Variants in AHCYL2 observed in about 807,000 individuals in gnomAD.
AHCYL2 encodes the protein adenosylhomocysteinase like 2.
In AHCYL2, 28 loss-of-function variants were observed where a neutral mutation model predicts 81.4. The ratio of observed to expected loss-of-function variants is 0.34; its 90% CI spans 0.25 to 0.47. The LOEUF is 0.47. Ranked by LOEUF, AHCYL2 falls within the 20% of genes least tolerant of loss-of-function variation. The probability of loss-of-function intolerance (pLI) is 1.00; values close to 1 mark genes in which losing one functional copy is unlikely to be tolerated. For synonymous variants in AHCYL2, 272 were observed against 290.2 expected (o/e 0.94, Z 0.64); for missense variants, 551 against 785.1 (o/e 0.70, Z 3.56).
chr7:129,379,615 A>G (rs1195940789), intron 1 of AHCYL2, 23 bp from the exon 2 acceptor site: 3 of 1,590,572 alleles, frequency 1.9e-6, no homozygotes, highest in East Asian at 4.5e-5. Flanking sequence ...TTTTCTTTAT[A>G]TAACTAGGTT....
intron 1 of AHCYL2, among the ~76,000 whole-genome samples, chr7:129,305,567 A>G (rs1194497109): frequency 1.3e-5 from 2 of 152,182 alleles, no homozygotes; most frequent in African/African-American, 4.8e-5. Flanking sequence ...TGTGTCTTGA[A>G]AAGTTGTAGT....
At chr7:129,379,811 C>T (rs1220627263) in intron 2 of AHCYL2, 62 bp downstream of exon 2, 12 of 1,303,138 alleles carry the variant, frequency 9.2e-6, no homozygotes, top group Non-Finnish European at 1.3e-5. Context: ...TCAATGGGCC[C>T]TCCTGTCTAT....
intron 1 of AHCYL2, among the ~76,000 whole-genome samples, chr7:129,292,638 A>G (rs1333027508): frequency 2.0e-5 from 3 of 152,130 alleles, no homozygotes; most frequent in Admixed American, 2.0e-4. Flanking sequence ...ATGGTGGCAC[A>G]CACCAGTAAT....
chr7:129,397,398 C>A, intron 5 of AHCYL2, 74 bp downstream of exon 5: 1 of 1,365,490 alleles, frequency 7.3e-7, no homozygotes, highest in Non-Finnish European at 1.0e-6. Flanking sequence ...CAGCATAAAT[C>A]TTTAAAGAAG....
At chr7:129,361,768 G>A (rs1793938018) in intron 1 of AHCYL2, among the ~76,000 whole-genome samples, 2 of 151,316 alleles carry the variant, frequency 1.3e-5, no homozygotes, top group Non-Finnish European at 2.9e-5. Context: ...CAGGACTGTA[G>A]GCGCACACCA....
At chr7:129,313,290 G>T (rs1268650309) in intron 1 of AHCYL2, among the ~76,000 whole-genome samples, 4 of 152,194 alleles carry the variant, frequency 2.6e-5, no homozygotes, top group African/African-American at 9.6e-5. Flanking sequence ...ATTGTCTTTT[G>T]GGAGTACAGA....
intron 1 of AHCYL2, among the ~76,000 whole-genome samples, chr7:129,329,206 G>A (rs1333629083): frequency 6.6e-6 from 1 of 152,124 alleles, no homozygotes; most frequent in Non-Finnish European, 1.5e-5. Context: ...TTGAGATAGG[G>A]TCTCATTCTG....
chr7:129,292,412 T>C (rs928876506), intron 1 of AHCYL2, among the ~76,000 whole-genome samples: 1 of 152,222 alleles, frequency 6.6e-6, no homozygotes, highest in African/African-American at 2.4e-5. Context: ...GCTTGCTGAC[T>C]AGGGCTATAT....
At chr7:129,345,261 A>G (rs1196603848) in intron 1 of AHCYL2, among the ~76,000 whole-genome samples, 3 of 152,174 alleles carry the variant, frequency 2.0e-5, no homozygotes, top group Non-Finnish European at 2.9e-5. Context: ...GTTTTCTTAC[A>G]TTTATTTTCT....
At chr7:129,317,951 G>A (rs1280089359) in intron 1 of AHCYL2, among the ~76,000 whole-genome samples, 1 of 152,058 alleles carries the variant, frequency 6.6e-6, no homozygotes, top group African/African-American at 2.4e-5. Flanking sequence ...TTTTCAAGGA[G>A]GATTCACACT....
In AHCYL2 at chr7:129,287,783, C is replaced by T. The variant is rs149779348; in HGVS notation, c.363+62344C>T. On this transcript the variant is annotated intron_variant, in intron 1 of 16. Coordinates refer to ENST00000325006, the MANE Select transcript of AHCYL2 (RefSeq NM_015328.4). Reference sequence around the variant, plus strand: ...TTCTTTATGTAGAGCTCCTTCTCCCCACGTCATTTTGATGTTTACTGTTTC... The same window carrying T: ...TTCTTTATGTAGAGCTCCTTCTCCCTACGTCATTTTGATGTTTACTGTTTC... Among the ~76,000 whole-genome samples, 282 of 152,268 alleles carry T rather than the reference C, an allele frequency of 1.9e-3. 1 individual carries two copies. The highest frequency in any genetic ancestry group is 6.4e-3 in the African/African-American group (267 of 41,540).
Position 129,427,147 on chromosome 7 carries a change from C to A in AHCYL2, c.*102C>A. 2 of 1,245,496 alleles carry A rather than the reference C, an allele frequency of 1.6e-6. No homozygotes were observed. Among genetic ancestry groups the A allele is most frequent in the Non-Finnish European group, 2.3e-6 (2 of 858,612 alleles). 77.2% of individuals were successfully genotyped at this position (1,245,496 alleles called of 1,614,324 possible). A position where few individuals can be genotyped will look rare whatever the true frequency, so the allele number is the denominator to read the frequency against. ...CAGCAAGCTGCTTCTCCAATCAAAGCTGCCTGCCGTGCTCACCCTGTGTGT... is the reference window on the plus strand; with the variant it reads ...CAGCAAGCTGCTTCTCCAATCAAAGATGCCTGCCGTGCTCACCCTGTGTGT... On this transcript the variant is annotated 3_prime_UTR_variant, in exon 17 of 17. Transcript: ENST00000325006. The surrounding 1 kb of genome is among the most constrained non-coding windows in gnomAD (Gnocchi z 5.5).
chr7:129,412,382 G>A (rs886574951), intron 11 of AHCYL2, among the ~76,000 whole-genome samples: 2 of 151,124 alleles, frequency 1.3e-5, no homozygotes, highest in African/African-American at 4.9e-5. Context: ...CCGTGTGCAA[G>A]GGATTCTCCT....
intron 1 of AHCYL2, among the ~76,000 whole-genome samples, chr7:129,263,249 A>G (rs73722907): frequency 2.6e-5 from 4 of 152,232 alleles, no homozygotes; most frequent in Admixed American, 1.3e-4. Context: ...CTAGATGCTC[A>G]TATCTGAGAC....
chr7:129,355,496 T>C (rs1005850964), intron 1 of AHCYL2, among the ~76,000 whole-genome samples: 1 of 152,214 alleles, frequency 6.6e-6, no homozygotes, highest in Non-Finnish European at 1.5e-5. Context: ...CCTAACCGTG[T>C]ATTTTTCCTA....
At chr7:129,226,477 A>C (rs1794223674) in intron 1 of AHCYL2, among the ~76,000 whole-genome samples, 1 of 152,246 alleles carries the variant, frequency 6.6e-6, no homozygotes, top group Non-Finnish European at 1.5e-5. Context: ...GTATGGGCAC[A>C]GGGATTAATG....
chr7:129,283,282 G>C (rs562655038), intron 1 of AHCYL2: 5 of 446,026 alleles, frequency 1.1e-5, no homozygotes, highest in South Asian at 7.9e-5. Flanking sequence ...TCTCAAGGCA[G>C]TAAGCAGAAG....
rs1340846269 is a variant in AHCYL2 at position 129,400,272 on chromosome 7, T to G, written c.824-18T>G. 3 of 1,612,324 alleles carry G rather than the reference T, an allele frequency of 1.9e-6. No homozygotes were observed. In the East Asian group the frequency reaches 6.7e-5, roughly 36 times the overall value. ...TTTTTGGTCTTTAATGGTTTCCCTT[T>G]GTTCCTTTTTTTCCCAGGATTTCCT... On this transcript the variant is annotated intron_variant, in intron 5 of 16. Transcript: ENST00000325006.
intron 1 of AHCYL2, among the ~76,000 whole-genome samples, chr7:129,325,947 C>T (rs1452563215): frequency 2.6e-5 from 4 of 152,056 alleles, no homozygotes; most frequent in East Asian, 1.9e-4. Context: ...TAATGTGATC[C>T]GCCCATCTTG....
Sources: gnomAD v4.1 joint callset for allele counts (sites outside exome capture counted in the v4.1 genomes callset) on GRCh38, gnomAD v4.1.1 for gene constraint, Gnocchi (gnomAD v3.1) non-coding constraint, MANE v1.5 for transcripts, NCBI Gene and HGNC (gene_info 2026-07-23, HGNC 2026-07-21) for gene names.